Variants in BUB1 observed in about 807,000 individuals in gnomAD.
BUB1 encodes BUB1 mitotic checkpoint serine/threonine kinase.
Under a neutral mutation model 135.2 loss-of-function variants are expected in BUB1, and 84 were observed. That is an observed-to-expected ratio of 0.62 (90% CI 0.52 to 0.74). The LOEUF is 0.74. Ranked by LOEUF, BUB1 falls within the 30% of genes least tolerant of loss-of-function variation. The pLI, the probability that BUB1 is intolerant of heterozygous loss-of-function variation, is 0.00. For missense variants in BUB1, 1,162 were observed against 1,288.3 expected, an observed-to-expected ratio of 0.90 and a Z score of 1.50; for synonymous variants, 403 against 434.4, an observed-to-expected ratio of 0.93 and a Z score of 0.90.
At chr2:110,668,028 A>G (rs1690312699) in intron 6 of BUB1, among the ~76,000 whole-genome samples, 179 bp from the exon 7 acceptor site, 1 of 152,210 alleles carries the variant, frequency 6.6e-6, no homozygotes, top group Non-Finnish European at 1.5e-5. Context: ...CAACCTTACA[A>G]TAACTATTGT....
chr2:110,662,198 G>A (rs1281775811), intron 9 of BUB1, among the ~76,000 whole-genome samples: 2 of 151,988 alleles, frequency 1.3e-5, no homozygotes, highest in East Asian at 1.9e-4. Context: ...AGCTCATTAC[G>A]GTTTTCCTCC....
chr2:110,673,781 TAG>T (rs1375030490), intron 3 of BUB1, among the ~76,000 whole-genome samples: 2 of 152,052 alleles, frequency 1.3e-5, no homozygotes, highest in East Asian at 3.8e-4. Flanking sequence ...GTATTTTTAG[TAG>T]AGACAGGATT....
chr2:110,652,695 C>A (rs1689817997), intron 17 of BUB1, among the ~76,000 whole-genome samples: 2 of 152,030 alleles, frequency 1.3e-5, no homozygotes, highest in Non-Finnish European at 2.9e-5. Flanking sequence ...CCACATACAC[C>A]CCCAATCAAT....
At chr2:110,641,987 G>T in intron 20 of BUB1, 132 bp downstream of exon 20, 1 of 1,015,538 alleles carries the variant, frequency 9.8e-7, no homozygotes, top group Non-Finnish European at 1.4e-6. Context: ...ATCTTTTGTA[G>T]TTTTTGTTTT....
At chr2:110,641,504 A>G (rs1689503476) in intron 21 of BUB1, 40 bp from the exon 22 acceptor site, 1 of 1,573,152 alleles carries the variant, frequency 6.4e-7, no homozygotes, top group Non-Finnish European at 8.6e-7. Context: ...TTAGTTGCAC[A>G]AGATTAATAA....
At chr2:110,659,657 C>G (rs970803433) in intron 11 of BUB1, among the ~76,000 whole-genome samples, 1 of 152,194 alleles carries the variant, frequency 6.6e-6, no homozygotes, top group Non-Finnish European at 1.5e-5. Context: ...CAGTGTAACA[C>G]TCCTAATTAA....
At chr2:110,663,445 A>C (rs147763435) in intron 9 of BUB1, among the ~76,000 whole-genome samples, 1 of 152,358 alleles carries the variant, frequency 6.6e-6, no homozygotes, top group East Asian at 1.9e-4. Flanking sequence ...CAGATCAATA[A>C]ATGATTTACA....
At chr2:110,677,399 TA>T (rs1317785004) in intron 1 of BUB1, among the ~76,000 whole-genome samples, 3 of 152,302 alleles carry the variant, frequency 2.0e-5, no homozygotes, top group African/African-American at 7.2e-5. Context: ...ATCTAAGTCA[TA>T]AAACAAAGGC....
chr2:110,675,920 G>C (rs1357845958), intron 1 of BUB1, among the ~76,000 whole-genome samples: 2 of 152,154 alleles, frequency 1.3e-5, no homozygotes, highest in African/African-American at 2.4e-5. Context: ...CAAAGTGTTA[G>C]AATTACAGGC....
intron 1 of BUB1, among the ~76,000 whole-genome samples, chr2:110,674,604 T>C (rs1690522125): frequency 6.6e-6 from 1 of 152,210 alleles, no homozygotes; most frequent in African/African-American, 2.4e-5. Context: ...AAGCAGCCAG[T>C]GTTTTTCCAT....
Position 110,650,756 on chromosome 2 carries a change from C to A in BUB1, c.1993G>T (p.Ala665Ser), listed in dbSNP as rs1689763834. 1.2e-6 allele frequency: 2 copies of A among 1,613,992 alleles called. No individual in the cohort carries two copies. Among genetic ancestry groups the A allele is most frequent in the Non-Finnish European group, 1.7e-6 (2 of 1,179,938 alleles). The change falls in exon 18 of 25, where the codon GCC becomes TCC. Residue 665 changes from alanine (A) to serine (S), a missense_variant. Ala to Ser is a moderately conservative substitution (Grantham distance 99). Transcript: ENST00000302759. Reference protein sequence around the residue: ...SPIQEKSPKQALSSHMYSASL... With the variant: ...SPIQEKSPKQSLSSHMYSASL... ...GCTGAATACATGTGAGACGACAAGG[C>A]CTGTTTTGGGCTTTTCTCTTGAATT...
chr2:110,665,963 C>T (rs1324161499), intron 9 of BUB1: 3 of 243,834 alleles, frequency 1.2e-5, no homozygotes, highest in Non-Finnish European at 2.3e-5. Flanking sequence ...GAGTACTATA[C>T]TCCAATTTTC....
At chr2:110,643,923 AG>A (rs1195491076) in intron 19 of BUB1, among the ~76,000 whole-genome samples, 3 of 152,068 alleles carry the variant, frequency 2.0e-5, no homozygotes, top group Non-Finnish European at 4.4e-5. Context: ...AAGCAAAAAA[AG>A]GTGCTAGAAA....
chr2:110,672,402 T>G (rs1690447020), intron 4 of BUB1, among the ~76,000 whole-genome samples: 1 of 152,170 alleles, frequency 6.6e-6, no homozygotes, highest in African/African-American at 2.4e-5. Flanking sequence ...TAACTAGACA[T>G]ACAATATGAT....
intron 3 of BUB1, 50 bp downstream of exon 3, chr2:110,674,036 A>C (rs1457801290): frequency 2.1e-6 from 3 of 1,397,588 alleles, no homozygotes. Flanking sequence ...TTTAAAAAGC[A>C]AAAGTACAAC....
chr2:110,646,906 T>A (rs1689659781), intron 19 of BUB1, among the ~76,000 whole-genome samples: 1 of 152,054 alleles, frequency 6.6e-6, no homozygotes. Flanking sequence ...AAATCAATAG[T>A]GGAATGCCAT....
At chr2:110,661,415 T>C (rs1362664957) in intron 10 of BUB1, 167 bp downstream of exon 10, 2 of 770,190 alleles carry the variant, frequency 2.6e-6, no homozygotes, top group Non-Finnish European at 2.0e-6. Flanking sequence ...GCCTAAAGGA[T>C]TGGGAGCAAT....
chr2:110,674,542 T>C (rs796303979), intron 1 of BUB1, among the ~76,000 whole-genome samples, 177 bp from the exon 2 acceptor site: 1 of 152,180 alleles, frequency 6.6e-6, no homozygotes, highest in East Asian at 1.9e-4. Context: ...TCGATCCAAA[T>C]AGTATTTAAA....
At chr2:110,654,202 A>G (rs1179179634) in intron 16 of BUB1, among the ~76,000 whole-genome samples, 1 of 152,172 alleles carries the variant, frequency 6.6e-6, no homozygotes, top group East Asian at 1.9e-4. Context: ...GTAAAAGGCT[A>G]CAATGCTTCT....
Sources: allele counts gnomAD v4.1 joint callset (sites outside exome capture counted in the v4.1 genomes callset), GRCh38; gene constraint gnomAD v4.1.1; transcripts MANE v1.5; gene names NCBI Gene and HGNC (gene_info 2026-07-23, HGNC 2026-07-21).